DGKG: variants seen among roughly 807,000 people sequenced by gnomAD.
DGKG encodes the protein diacylglycerol kinase gamma.
In DGKG, 78 loss-of-function variants were observed where a neutral mutation model predicts 105.3. That is an observed-to-expected ratio of 0.74 (90% CI 0.62 to 0.89). The LOEUF (loss-of-function observed/expected upper bound fraction) is 0.89, where lower values mean the gene tolerates loss of function less well. Among genes scored for constraint, DGKG ranks in the 40% least tolerant of loss-of-function variants. DGKG has a pLI of 0.00. For synonymous variants in DGKG, 346 were observed against 367.1 expected (o/e 0.94, Z 0.66); for missense variants, 958 against 1,020.1 (o/e 0.94, Z 0.83).
chr3:186,228,143 A>G (rs1359797668), intron 20 of DGKG, among the ~76,000 whole-genome samples: 1 of 152,080 alleles, frequency 6.6e-6, no homozygotes, highest in Admixed American at 6.6e-5. Context: ...TTCAATATGG[A>G]TTTCTACTTC....
At chr3:186,167,854 T>C (rs755474827) in intron 22 of DGKG, among the ~76,000 whole-genome samples, 4 of 151,986 alleles carry the variant, frequency 2.6e-5, no homozygotes, top group African/African-American at 9.7e-5. Context: ...CTTGTAAGAG[T>C]TGGGATGCAA....
chr3:186,299,818 T>TTTCC, intron 3 of DGKG, among the ~76,000 whole-genome samples: 4 of 109,308 alleles, frequency 3.7e-5, no homozygotes, highest in African/African-American at 1.4e-4. Flanking sequence ...TCTTTCTTTC[T>TTTCC]TTCTTTCTTT....
intron 21 of DGKG, among the ~76,000 whole-genome samples, chr3:186,195,474 T>C (rs985846738): frequency 1.3e-5 from 2 of 152,240 alleles, no homozygotes; most frequent in African/African-American, 4.8e-5. Flanking sequence ...AGGTCTCTTT[T>C]GATCTATAGA....
intron 19 of DGKG, among the ~76,000 whole-genome samples, chr3:186,250,277 G>C (rs528604752): frequency 1.1e-4 from 16 of 152,100 alleles, no homozygotes; most frequent in Non-Finnish European, 1.9e-4. Flanking sequence ...GGAGCTGAAC[G>C]ATGAGAACAC....
At chr3:186,329,441 A>G (rs1725497965) in intron 1 of DGKG, among the ~76,000 whole-genome samples, 1 of 152,198 alleles carries the variant, frequency 6.6e-6, no homozygotes, top group Non-Finnish European at 1.5e-5. Context: ...GGGTCTCTCT[A>G]TTCATTTGAA....
At position 186,319,969 on chromosome 3, in the gene DGKG, C is replaced by T. The variant is rs116679394; in HGVS notation, c.67+424G>A. Among the ~76,000 whole-genome samples the T allele has an allele frequency of 3.6e-3, 554 of 152,362 alleles. 4 individuals are homozygous for T. The highest frequency in any genetic ancestry group is 0.012 in the African/African-American group (509 of 41,572). On this transcript the variant is annotated intron_variant, in intron 2 of 24. Transcript: ENST00000265022. ...ATTGAGTAACATTGTAGCCATGCAG[C>T]ATGCAGCCCTTCAAAATTATGCTCT... is the stretch of plus-strand genomic sequence containing the variant.
chr3:186,336,883 C>A (rs1271397941), intron 1 of DGKG, among the ~76,000 whole-genome samples: 1 of 152,100 alleles, frequency 6.6e-6, no homozygotes, highest in African/African-American at 2.4e-5. Context: ...GCACCACTTT[C>A]AAGAACCTAG....
At chr3:186,202,767 T>C (rs1718534631) in intron 21 of DGKG, among the ~76,000 whole-genome samples, 1 of 152,214 alleles carries the variant, frequency 6.6e-6, no homozygotes, top group African/African-American at 2.4e-5. Flanking sequence ...GCTGAATCAC[T>C]TGACCCCCAA....
chr3:186,308,997 G>T (rs1305055738), intron 2 of DGKG, among the ~76,000 whole-genome samples: 1 of 152,182 alleles, frequency 6.6e-6, no homozygotes, highest in Non-Finnish European at 1.5e-5. Flanking sequence ...TGTAACTCAG[G>T]TCTAGTCTGG....
At chr3:186,300,527 T>C (rs184919024) in intron 3 of DGKG, among the ~76,000 whole-genome samples, 109 of 152,344 alleles carry the variant, frequency 7.2e-4, no homozygotes, top group African/African-American at 2.5e-3. Flanking sequence ...GTTCTCTTCA[T>C]TCTCTACTTT....
intron 3 of DGKG, among the ~76,000 whole-genome samples, chr3:186,299,399 G>T (rs1426361923): frequency 1.3e-5 from 2 of 152,204 alleles, no homozygotes; most frequent in African/African-American, 2.4e-5. Context: ...CCTTAAAAGC[G>T]AGTAATGGCC....
chr3:186,197,935 C>A (rs1264329401), intron 21 of DGKG, among the ~76,000 whole-genome samples: 2 of 152,164 alleles, frequency 1.3e-5, no homozygotes, highest in Non-Finnish European at 2.9e-5. Context: ...ATTTTCACTG[C>A]CTTGTTTTCT....
chr3:186,311,313 GA>G (rs912061066), intron 2 of DGKG, among the ~76,000 whole-genome samples: 7 of 151,768 alleles, frequency 4.6e-5, no homozygotes, highest in Non-Finnish European at 8.8e-5. Context: ...ATTGCCAAGG[GA>G]AAAAAAAGCT....
Position 186,220,137 on chromosome 3 carries a change from G to C in DGKG, c.1827-8252C>G, listed in dbSNP as rs112679387. Reference sequence around the variant, plus strand: ...TATCAGTTACTGCTTGGTAACCAGAGACACGGATTGAATGGCAATTGAATC... The same window carrying C: ...TATCAGTTACTGCTTGGTAACCAGACACACGGATTGAATGGCAATTGAATC... On this transcript the variant is annotated intron_variant, in intron 20 of 24. Coordinates refer to ENST00000265022, the MANE Select transcript of DGKG (RefSeq NM_001346.3). Among the ~76,000 whole-genome samples the C allele has an allele frequency of 4.6e-5, 7 of 152,326 alleles. 1 individual carries two copies. The South Asian group carries it at 8.3e-4, about 18-fold the overall frequency.
intron 24 of DGKG, among the ~76,000 whole-genome samples, chr3:186,156,946 A>C (rs377568081): frequency 6.6e-6 from 1 of 151,934 alleles, no homozygotes; most frequent in East Asian, 1.9e-4. Flanking sequence ...AAATAATGAC[A>C]GTTTTGACTC....
chr3:186,206,269 A>G (rs1422880712), intron 21 of DGKG, among the ~76,000 whole-genome samples: 1 of 152,078 alleles, frequency 6.6e-6, no homozygotes, highest in Non-Finnish European at 1.5e-5. Flanking sequence ...CTGTAGTCTC[A>G]GGTACTTGGG....
At chr3:186,297,287 G>T in intron 5 of DGKG, 134 bp downstream of exon 5, 4 of 686,012 alleles carry the variant, frequency 5.8e-6, no homozygotes, top group Non-Finnish European at 7.7e-6. Context: ...GGTTCTGAAG[G>T]CCACAGGAGG....
intron 2 of DGKG, among the ~76,000 whole-genome samples, chr3:186,310,864 AT>A (rs1435048009): frequency 5.9e-5 from 9 of 152,224 alleles, no homozygotes; most frequent in Admixed American, 1.3e-4. Flanking sequence ...TTTTATTTAA[AT>A]CCCCACAACT....
At chr3:186,254,400 G>T (rs2108565804) in intron 17 of DGKG, among the ~76,000 whole-genome samples, 1 of 152,192 alleles carries the variant, frequency 6.6e-6, no homozygotes, top group Admixed American at 6.5e-5. Flanking sequence ...CAATGCAATG[G>T]CCCCTCTCGT....
Sources: gnomAD v4.1 joint callset for allele counts (sites outside exome capture counted in the v4.1 genomes callset) on GRCh38, gnomAD v4.1.1 for gene constraint, MANE v1.5 for transcripts, NCBI Gene and HGNC (gene_info 2026-07-23, HGNC 2026-07-21) for gene names.